The following NLGN1 variants were observed in gnomAD, a reference collection of about 807,000 sequenced individuals.
NLGN1 encodes the protein neuroligin 1.
Under a neutral mutation model 65.5 loss-of-function variants are expected in NLGN1, and 12 were observed. That is an observed-to-expected ratio of 0.18 (90% CI 0.12 to 0.30). The LOEUF (loss-of-function observed/expected upper bound fraction) is 0.30, where lower values mean the gene tolerates loss of function less well. Ranked by LOEUF, NLGN1 falls within the 10% of genes least tolerant of loss-of-function variation. The pLI, the probability that NLGN1 is intolerant of heterozygous loss-of-function variation, is 1.00. For missense variants in NLGN1, 750 were observed against 1,007.1 expected (o/e 0.74, Z 3.46); for synonymous variants, 350 against 359.5 (o/e 0.97, Z 0.30).
chr3:173,576,270 C>A (rs1745481628), intron 2 of NLGN1, among the ~76,000 whole-genome samples: 1 of 152,050 alleles, frequency 6.6e-6, no homozygotes, highest in African/African-American at 2.4e-5. Flanking sequence ...ATGGGCAGCA[C>A]TGATTATTTC....
chr3:173,946,148 A>G (rs1747102929), intron 4 of NLGN1, among the ~76,000 whole-genome samples: 1 of 152,240 alleles, frequency 6.6e-6, no homozygotes, highest in South Asian at 2.1e-4. Context: ...AGAAATGCAA[A>G]TTATTTTTTT....
intron 1 of NLGN1, among the ~76,000 whole-genome samples, chr3:173,404,022 T>C (rs982892781): frequency 1.3e-5 from 2 of 152,146 alleles, no homozygotes; most frequent in Non-Finnish European, 2.9e-5. Context: ...GCAGTTGTGC[T>C]TGAGTTATTT....
chr3:173,813,864 A>G (rs527377110), intron 4 of NLGN1, among the ~76,000 whole-genome samples: 88 of 152,252 alleles, frequency 5.8e-4, no homozygotes, highest in Non-Finnish European at 7.9e-4. Flanking sequence ...AGAATTTATC[A>G]TATGGGTTGT....
At chr3:174,240,617 A>T (rs1577529947) in intron 4 of NLGN1, among the ~76,000 whole-genome samples, 1 of 152,218 alleles carries the variant, frequency 6.6e-6, no homozygotes, top group African/African-American at 2.4e-5. Context: ...TCTCTCTGCA[A>T]CTGTATTTCA....
chr3:174,208,226 A>T (rs1406746890), intron 4 of NLGN1, among the ~76,000 whole-genome samples: 2 of 152,250 alleles, frequency 1.3e-5, no homozygotes, highest in Non-Finnish European at 2.9e-5. Context: ...ACAGAGAATC[A>T]TCTGTGGGAG....
intron 4 of NLGN1, among the ~76,000 whole-genome samples, chr3:173,929,355 C>A (rs1050733801): frequency 6.6e-6 from 1 of 152,132 alleles, no homozygotes; most frequent in African/African-American, 2.4e-5. Context: ...TGCATTCTTG[C>A]ATCTTTTTTC....
intron 4 of NLGN1, among the ~76,000 whole-genome samples, chr3:173,974,129 A>G (rs1199899166): frequency 6.6e-6 from 1 of 152,042 alleles, no homozygotes; most frequent in Non-Finnish European, 1.5e-5. Context: ...GAGCAATTAA[A>G]GTTAATAAAA....
At chr3:173,949,909 G>T (rs1195746115) in intron 4 of NLGN1, among the ~76,000 whole-genome samples, 5 of 152,160 alleles carry the variant, frequency 3.3e-5, no homozygotes, top group African/African-American at 4.8e-5. Context: ...CTTCTGGAGA[G>T]ATTTCCATTT....
At chr3:173,999,271 C>T (rs1421739822) in intron 4 of NLGN1, among the ~76,000 whole-genome samples, 3 of 152,000 alleles carry the variant, frequency 2.0e-5, no homozygotes, top group Non-Finnish European at 4.4e-5. Flanking sequence ...TTTCCCAGAA[C>T]ACAAGAACAA....
intron 4 of NLGN1, among the ~76,000 whole-genome samples, chr3:173,905,942 A>C (rs890984898): frequency 6.6e-6 from 1 of 152,222 alleles, no homozygotes; most frequent in Admixed American, 6.5e-5. Flanking sequence ...GGTCTACTGC[A>C]TAAACAGAAT....
chr3:173,709,526 G>T (rs1363684242), intron 3 of NLGN1, among the ~76,000 whole-genome samples: 1 of 152,102 alleles, frequency 6.6e-6, no homozygotes, highest in Admixed American at 6.6e-5. Context: ...AACCAGCCGG[G>T]CACAGTGGCT....
rs560831947 is a variant in NLGN1 at position 173,729,201 on chromosome 3, A to G, written c.494-78479A>G. 5.9e-5 allele frequency among the ~76,000 whole-genome samples: 9 copies of G among 152,206 alleles called. No individual in the cohort carries two copies. In the East Asian group the frequency reaches 1.4e-3, roughly 23 times the overall value. On this transcript the variant is annotated intron_variant, in intron 3 of 6. Transcript: ENST00000457714. ...AGAGCCACCAAGCAAGTTATCTCTC[A>G]GTCATTCCATCCACTGCTGAGCAAT...
At chr3:173,924,929 C>G (rs1277429088) in intron 4 of NLGN1, among the ~76,000 whole-genome samples, 1 of 152,010 alleles carries the variant, frequency 6.6e-6, no homozygotes. Context: ...AAATTTTAAT[C>G]TAGAATTCCT....
chr3:173,515,053 G>T (rs1293224428), intron 2 of NLGN1, among the ~76,000 whole-genome samples: 2 of 152,110 alleles, frequency 1.3e-5, no homozygotes, highest in Non-Finnish European at 2.9e-5. Context: ...TGGTAGTTCT[G>T]TTTTTATTTT....
intron 3 of NLGN1, among the ~76,000 whole-genome samples, chr3:173,608,175 T>C (rs1751689572): frequency 6.6e-6 from 1 of 151,914 alleles, no homozygotes; most frequent in Non-Finnish European, 1.5e-5. Flanking sequence ...GCATTTACAA[T>C]ATTTTCCTGC....
intron 4 of NLGN1, among the ~76,000 whole-genome samples, chr3:174,252,811 T>A (rs557839800): frequency 7.9e-5 from 12 of 152,148 alleles, no homozygotes; most frequent in African/African-American, 2.9e-4. Flanking sequence ...ATTCAGTACA[T>A]AGGCTCCAAA....
At chr3:173,889,340 C>A (rs944363972) in intron 4 of NLGN1, among the ~76,000 whole-genome samples, 1 of 152,006 alleles carries the variant, frequency 6.6e-6, no homozygotes, top group Non-Finnish European at 1.5e-5. Context: ...GCCATCTTGC[C>A]TTTCTGACCT....
chr3:173,403,693 C>T (rs1718120973), intron 1 of NLGN1, among the ~76,000 whole-genome samples: 1 of 152,072 alleles, frequency 6.6e-6, no homozygotes, highest in Admixed American at 6.6e-5. Flanking sequence ...AAAAAGATGT[C>T]CTTAATCATC....
chr3:173,733,405 C>G (rs1275051469), intron 3 of NLGN1, among the ~76,000 whole-genome samples: 2 of 152,114 alleles, frequency 1.3e-5, no homozygotes, highest in East Asian at 3.9e-4. Flanking sequence ...CCTTTTCATT[C>G]CTTCTCTCTT....
Sources: allele counts gnomAD v4.1 joint callset (sites outside exome capture counted in the v4.1 genomes callset), GRCh38; gene constraint gnomAD v4.1.1; transcripts MANE v1.5; gene names NCBI Gene and HGNC (gene_info 2026-07-23, HGNC 2026-07-21).